Variants in SH3D19 observed in about 807,000 individuals in gnomAD.
SH3D19 encodes SH3 domain-containing protein 19.
SH3D19 carries 58 observed loss-of-function variants against 112.1 expected under a neutral mutation model. That is an observed-to-expected ratio of 0.52 (90% CI 0.42 to 0.64). The LOEUF is 0.64. Ranked by LOEUF, SH3D19 falls within the 30% of genes least tolerant of loss-of-function variation. The probability of loss-of-function intolerance (pLI) is 0.00; values close to 1 mark genes in which losing one functional copy is unlikely to be tolerated. For missense variants in SH3D19, 1,090 were observed against 1,263.4 expected, an observed-to-expected ratio of 0.86 and a Z score of 2.08; for synonymous variants, 391 against 448.5, an observed-to-expected ratio of 0.87 and a Z score of 1.62.
chr4:151,159,376 T>C, intron 8 of SH3D19, 24 bp from the exon 9 acceptor site: 1 of 1,334,156 alleles, frequency 7.5e-7, no homozygotes, highest in Non-Finnish European at 1.0e-6. Context: ...CAGTAATTCA[T>C]CAATAATTTC....
chr4:151,158,377 G>T (rs1756522199), intron 9 of SH3D19, among the ~76,000 whole-genome samples: 1 of 152,014 alleles, frequency 6.6e-6, no homozygotes, highest in Admixed American at 6.6e-5. Flanking sequence ...TTGGCTCACT[G>T]CAACCTCTGT....
intron 1 of SH3D19, chr4:151,228,052 G>A: frequency 1.0e-6 from 1 of 985,256 alleles, no homozygotes; most frequent in Non-Finnish European, 1.2e-6. Flanking sequence ...TTCGTTCTTG[G>A]TTAAAACAGG....
chr4:151,148,235 A>T, intron 10 of SH3D19, 49 bp from the exon 11 acceptor site: 6 of 1,514,178 alleles, frequency 4.0e-6, no homozygotes, highest in Non-Finnish European at 5.3e-6. Context: ...TCAGTATTAA[A>T]TTCTGTCCTG....
chr4:151,136,462 TA>T (rs1485181107), intron 14 of SH3D19, among the ~76,000 whole-genome samples: 2 of 152,218 alleles, frequency 1.3e-5, no homozygotes, highest in Admixed American at 1.3e-4. Context: ...AAGCACTTAA[TA>T]TAATATCTCA....
intron 1 of SH3D19, among the ~76,000 whole-genome samples, chr4:151,265,822 C>T (rs557513175): frequency 6.6e-6 from 1 of 152,028 alleles, no homozygotes; most frequent in South Asian, 2.1e-4. Context: ...TGACCTCAAG[C>T]GATCCACCCG....
chr4:151,147,722 C>T (rs531357459), intron 11 of SH3D19, among the ~76,000 whole-genome samples, 200 bp downstream of exon 11: 19 of 152,264 alleles, frequency 1.2e-4, no homozygotes, highest in African/African-American at 2.6e-4. Flanking sequence ...CTCAGCTTCC[C>T]GAAGTGCTGG....
intron 1 of SH3D19, among the ~76,000 whole-genome samples, chr4:151,258,831 C>T (rs1319835121): frequency 6.6e-6 from 1 of 152,122 alleles, no homozygotes; most frequent in Admixed American, 6.5e-5. Context: ...CTGGCCTCTC[C>T]CTGGGATCCT....
rs34219685 is a variant in SH3D19, at chr4:151,148,254, T to TACACAC, written c.1818-74_1818-69dup. 7,306 of 983,444 alleles carry TACACAC rather than the reference T, an allele frequency of 7.4e-3. 334 individuals carry two copies. In the African/African-American group the frequency reaches 0.12, roughly 16 times the overall value. The allele number at this position is 983,444 out of a possible 1,614,324, so 60.9% of individuals were successfully genotyped here. ...TATTAAATTCTGTCCTGTCCTGTCT[T>TACACAC]ACACACACACACACACACACACACA... On this transcript the variant is annotated intron_variant, in intron 10 of 19. Coordinates refer to ENST00000604030, the MANE Select transcript of SH3D19 (RefSeq NM_001378122.1).
At chr4:151,222,667 C>CTTT (rs1554057762) in intron 2 of SH3D19, among the ~76,000 whole-genome samples, 76 of 87,246 alleles carry the variant, frequency 8.7e-4, no homozygotes, top group African/African-American at 2.5e-3. Flanking sequence ...CTCTCTCTCT[C>CTTT]TTTTTTTTTT....
At chr4:151,158,352 T>C (rs1312810154) in intron 9 of SH3D19, among the ~76,000 whole-genome samples, 1 of 152,056 alleles carries the variant, frequency 6.6e-6, no homozygotes, top group Non-Finnish European at 1.5e-5. Flanking sequence ...CAGGCTGGAG[T>C]GCAGTGGCGT....
intron 1 of SH3D19, among the ~76,000 whole-genome samples, chr4:151,230,196 C>G (rs547949650): frequency 6.6e-6 from 1 of 152,196 alleles, no homozygotes; most frequent in East Asian, 1.9e-4. Flanking sequence ...ACGCCACTTA[C>G]GTAGAAATGG....
intron 19 of SH3D19, among the ~76,000 whole-genome samples, chr4:151,125,852 A>C (rs1322686742): frequency 1.3e-5 from 2 of 150,936 alleles, no homozygotes; most frequent in Non-Finnish European, 2.9e-5. Flanking sequence ...AAACAAAAAA[A>C]AAAAAAAAAA....
intron 2 of SH3D19, among the ~76,000 whole-genome samples, chr4:151,201,212 C>G (rs980252438): frequency 1.3e-5 from 2 of 152,128 alleles, no homozygotes; most frequent in Admixed American, 1.3e-4. Context: ...TTTCTGGAAA[C>G]AGCAGGCTGA....
chr4:151,267,689 G>A (rs1421846498), intron 1 of SH3D19, among the ~76,000 whole-genome samples: 1 of 152,018 alleles, frequency 6.6e-6, no homozygotes, highest in Non-Finnish European at 1.5e-5. Flanking sequence ...AAATAGGGAA[G>A]AATTCCTTTA....
At chr4:151,166,847 G>A (rs778674742) in intron 7 of SH3D19, among the ~76,000 whole-genome samples, 3 of 152,070 alleles carry the variant, frequency 2.0e-5, no homozygotes, top group Admixed American at 6.6e-5. Flanking sequence ...CTGATACTTC[G>A]CCTTCTCTTC....
intron 1 of SH3D19, among the ~76,000 whole-genome samples, chr4:151,305,793 T>C (rs563029519): frequency 6.6e-6 from 1 of 152,338 alleles, no homozygotes; most frequent in South Asian, 2.1e-4. Context: ...TAAATTTATA[T>C]TTACCATATG....
intron 1 of SH3D19, among the ~76,000 whole-genome samples, chr4:151,298,468 G>A (rs567131084): frequency 6.6e-6 from 1 of 152,170 alleles, no homozygotes; most frequent in East Asian, 1.9e-4. Flanking sequence ...GAGCCACCGC[G>A]CCCAGCCAAA....
chr4:151,291,326 C>T, intron 1 of SH3D19: 1 of 1,613,960 alleles, frequency 6.2e-7, no homozygotes, highest in Non-Finnish European at 8.5e-7. Context: ...CTCTCTCTGG[C>T]TCTCCTGCGT....
intron 9 of SH3D19, among the ~76,000 whole-genome samples, chr4:151,152,503 A>G (rs1347774280): frequency 7.2e-6 from 1 of 139,772 alleles, no homozygotes; most frequent in East Asian, 2.1e-4. Flanking sequence ...GTTTTTTGCT[A>G]TTCTCTCTCT....
Sources: gnomAD v4.1 joint callset for allele counts (sites outside exome capture counted in the v4.1 genomes callset) on GRCh38, gnomAD v4.1.1 for gene constraint, MANE v1.5 for transcripts, NCBI Gene and HGNC (gene_info 2026-07-23, HGNC 2026-07-21) for gene names.